Variants in MPP1 observed in about 807,000 individuals in gnomAD.
The protein encoded by MPP1 is 55 kDa erythrocyte membrane protein.
Under a neutral mutation model 38.2 loss-of-function variants are expected in MPP1, and 6 were observed. The observed-to-expected ratio is 0.16, with a 90% CI of 0.09 to 0.31. The LOEUF is 0.31. MPP1 is among the 10% of genes least tolerant of loss of function. The pLI is 1.00. For missense variants in MPP1, 293 were observed against 368.9 expected (o/e 0.79, Z 1.69); for synonymous variants, 153 against 146.3 (o/e 1.05, Z -0.33).
chrX:154,794,769 T>C (rs1557268031), intron 1 of MPP1, among the ~76,000 whole-genome samples: 1 of 112,461 alleles, frequency 8.9e-6, no homozygotes, highest in African/African-American at 3.2e-5. Flanking sequence ...ACATCATTTC[T>C]AAGGGACTCT....
chrX:154,786,449 C>T (rs2072075205), intron 5 of MPP1, 49 bp from the exon 6 acceptor site: 1 of 1,104,603 alleles, frequency 9.1e-7, no homozygotes, highest in South Asian at 2.0e-5. Flanking sequence ...AAAAGAAACA[C>T]CAGCATCAGA....
At chrX:154,799,090 TTTAAA>T (rs1168709917) in intron 1 of MPP1, among the ~76,000 whole-genome samples, 2 of 111,944 alleles carry the variant, frequency 1.8e-5, no homozygotes, top group African/African-American at 6.5e-5. Flanking sequence ...CATGTCAGCC[TTTAAA>T]TTAAAGACTC....
chrX:154,789,373 C>A (rs1356058974), intron 5 of MPP1, among the ~76,000 whole-genome samples: 1 of 111,694 alleles, frequency 9.0e-6, no homozygotes, highest in Non-Finnish European at 1.9e-5. Context: ...ACATGGTAGA[C>A]CCTCAATAAA....
chrX:154,792,072 T>C, intron 2 of MPP1, 70 bp downstream of exon 2: 1 of 1,169,407 alleles, frequency 8.6e-7, no homozygotes, highest in Non-Finnish European at 1.2e-6. Flanking sequence ...GCCTCTTGCA[T>C]TGACTCTTCT....
intron 1 of MPP1, 66 bp downstream of exon 1, chrX:154,805,206 G>T: frequency 9.5e-7 from 1 of 1,057,976 alleles, no homozygotes; most frequent in East Asian, 3.3e-5. Context: ...ACCGGGACAG[G>T]GAAAGTCCCG....
intron 1 of MPP1, chrX:154,799,683 G>A (rs1358717786): frequency 8.2e-6 from 9 of 1,096,331 alleles, no homozygotes; most frequent in Middle Eastern, 6.9e-4. Context: ...AAGGCAGGGC[G>A]GAAGTGGCTC....
intron 1 of MPP1, among the ~76,000 whole-genome samples, chrX:154,798,065 A>G (rs1223819927): frequency 2.7e-5 from 3 of 112,575 alleles, no homozygotes; most frequent in African/African-American, 6.5e-5. Context: ...TTAAAACAAC[A>G]ATGATATATC....
Position 154,799,720 on chromosome X carries a change from G to T in MPP1, c.102+5552C>A, listed in dbSNP as rs782693308. ...GTTAAGGATGACTGCTGGGATTCAG[G>T]AGGAGCCAGGGAATAAACACTCACC... On this transcript the variant is annotated intron_variant, in intron 1 of 11. Transcript: ENST00000369534. 9.6e-6 allele frequency: 11 copies of T among 1,143,247 alleles called. No homozygotes were observed. In the African/African-American group the frequency reaches 2.0e-4, roughly 21 times the overall value. 94.2% of individuals were successfully genotyped at this position (1,143,247 alleles called of 1,213,427 possible).
chrX:154,798,342 T>C (rs1166864276), intron 1 of MPP1, among the ~76,000 whole-genome samples: 3 of 112,536 alleles, frequency 2.7e-5, no homozygotes, highest in Non-Finnish European at 5.6e-5. Context: ...ACAGCTTTAT[T>C]TATAACAGCC....
At chrX:154,800,852 C>T (rs956760696) in intron 1 of MPP1, among the ~76,000 whole-genome samples, 3 of 111,953 alleles carry the variant, frequency 2.7e-5, no homozygotes, top group Non-Finnish European at 5.6e-5. Context: ...ATGGCAGGTG[C>T]TAAGGAGGAA....
rs2072004501 is a variant in MPP1 at position 154,781,645 on chromosome X, C to T, written c.1104G>A (p.Gln368=). 1.7e-6 allele frequency: 2 copies of T among 1,209,670 alleles called. No homozygotes were observed. The highest frequency in any genetic ancestry group is 2.2e-6 in the Non-Finnish European group (2 of 895,257). ...TGGCAATCTTGTTCTGCTTATGGAT[C>T]TGGTGCACTGTTTCAAATTTGGTGC... is the stretch of plus-strand genomic sequence containing the variant. ...MFGTKFETVH[Q]IHKQNKIAIL... The change falls in exon 10 of 12, where the codon CAG becomes CAA. Residue 368 remains glutamine (Q), a synonymous_variant. Coordinates refer to ENST00000369534, the MANE Select transcript of MPP1 (RefSeq NM_002436.4).
At chrX:154,784,627 C>T (rs1255464541) in intron 7 of MPP1, 1 of 242,775 alleles carries the variant, frequency 4.1e-6, no homozygotes, top group Non-Finnish European at 7.6e-6. Context: ...AAGAGAAATG[C>T]AGATGGAAAG....
intron 9 of MPP1, chrX:154,782,464 CTGCTT>C (rs2072019857): frequency 8.9e-6 from 1 of 111,896 alleles, no homozygotes; most frequent in Non-Finnish European, 1.9e-5. Context: ...CTGGTTATTT[CTGCTT>C]CCCCACTCAC....
In MPP1 at chrX:154,784,772, C is replaced by T. The variant is rs1557266999; in HGVS notation, c.784+279G>A. The T allele has an allele frequency of 2.5e-5, 10 of 396,165 alleles. No homozygotes were observed. The South Asian group carries it at 3.0e-4, about 12-fold the overall frequency. The allele number at this position is 396,165 out of a possible 1,213,427, so 32.6% of individuals were successfully genotyped here. Reference sequence around the variant, plus strand: ...CCTCTCCCTCTGGCCTGTGTTCTTGCCTCACTTCCCCTCTCCCACCACATC... The same window carrying T: ...CCTCTCCCTCTGGCCTGTGTTCTTGTCTCACTTCCCCTCTCCCACCACATC... On this transcript the variant is annotated intron_variant, in intron 7 of 11. Transcript: ENST00000369534.
chrX:154,792,008 G>C, intron 2 of MPP1, 134 bp downstream of exon 2: 1 of 1,024,976 alleles, frequency 9.8e-7, no homozygotes, highest in Non-Finnish European at 1.3e-6. Flanking sequence ...AGGAATTTGA[G>C]ATAAGAATGA....
At chrX:154,790,626 C>T (rs953547414) in intron 4 of MPP1, among the ~76,000 whole-genome samples, 1 of 111,422 alleles carries the variant, frequency 9.0e-6, no homozygotes, top group Non-Finnish European at 1.9e-5. Flanking sequence ...TATATCCACG[C>T]CTTTCCCCAT....
chrX:154,783,783 A>G (rs1385702646), intron 8 of MPP1: 2 of 434,214 alleles, frequency 4.6e-6, no homozygotes, highest in Non-Finnish European at 4.0e-6. Context: ...AGCAGACAGC[A>G]TGAAACCTAA....
At chrX:154,801,654 G>T (rs1364733286) in intron 1 of MPP1, among the ~76,000 whole-genome samples, 1 of 105,300 alleles carries the variant, frequency 9.5e-6, no homozygotes, top group Non-Finnish European at 1.9e-5. Flanking sequence ...AGCTAGCTGG[G>T]AGACTGAGGC....
At chrX:154,791,959 T>C (rs1427986046) in intron 2 of MPP1, 112 bp from the exon 3 acceptor site, 3 of 956,251 alleles carry the variant, frequency 3.1e-6, no homozygotes, top group African/African-American at 3.8e-5. Flanking sequence ...ATACCCAGGA[T>C]AGTCCTCAAC....
Sources: allele counts gnomAD v4.1 joint callset (sites outside exome capture counted in the v4.1 genomes callset), GRCh38; gene constraint gnomAD v4.1.1; transcripts MANE v1.5; gene names NCBI Gene and HGNC (gene_info 2026-07-23, HGNC 2026-07-21).